AKIRIN1: variants seen among roughly 807,000 people sequenced by gnomAD.
AKIRIN1 encodes the protein akirin-1.
In AKIRIN1, 4 loss-of-function variants were observed where a neutral mutation model predicts 25.9. That is an observed-to-expected ratio of 0.15 (90% CI 0.08 to 0.35). The LOEUF is 0.35. Among genes scored for constraint, AKIRIN1 ranks in the 10% least tolerant of loss-of-function variants. AKIRIN1 has a pLI of 1.00. For missense variants in AKIRIN1, 243 were observed against 266.1 expected (o/e 0.91, Z 0.61); for synonymous variants, 125 against 105.1 (o/e 1.19, Z -1.16).
At chr1:39,002,290 A>G (rs1216682589) in intron 3 of AKIRIN1, among the ~76,000 whole-genome samples, 1 of 152,170 alleles carries the variant, frequency 6.6e-6, no homozygotes, top group Non-Finnish European at 1.5e-5. Flanking sequence ...TTCCTGTAAC[A>G]CTATTGTTTC....
chr1:39,005,358 A>G lies in AKIRIN1; in HGVS notation c.*1303A>G, dbSNP rs1294056215. On this transcript the variant is annotated 3_prime_UTR_variant, in exon 5 of 5. Coordinates refer to ENST00000432648, the MANE Select transcript of AKIRIN1 (RefSeq NM_024595.3). ...TGGATCCTTTGGTCGGGTTCTCCCA[A>G]ATTCTTTTGAGGTGTCCATGGTCAA... The G allele has an allele frequency of 6.6e-6, 1 of 151,364 alleles. No individual in the cohort carries two copies. The highest frequency in any genetic ancestry group is 2.4e-5 in the African/African-American group (1 of 41,262). 9.4% of individuals were successfully genotyped at this position (151,364 alleles called of 1,614,324 possible). A position where few individuals can be genotyped will look rare whatever the true frequency, so the allele number is the denominator to read the frequency against.
chr1:38,997,305 T>C (rs1187225114), intron 1 of AKIRIN1, among the ~76,000 whole-genome samples: 1 of 152,186 alleles, frequency 6.6e-6, no homozygotes, highest in Non-Finnish European at 1.5e-5. Context: ...CTCCCTTTAA[T>C]AGTGTTAGCA....
At position 38,996,762 on chromosome 1, in the gene AKIRIN1, C is replaced by T. The variant is rs575551484; in HGVS notation, c.221-1409C>T. Among the ~76,000 whole-genome samples, 182 of 152,074 alleles carry T rather than the reference C, an allele frequency of 1.2e-3. 1 individual carries two copies. The highest frequency in any genetic ancestry group is 4.1e-3 in the African/African-American group (168 of 41,478). On this transcript the variant is annotated intron_variant, in intron 1 of 4. Coordinates refer to ENST00000432648, the MANE Select transcript of AKIRIN1 (RefSeq NM_024595.3). Reference sequence around the variant, plus strand: ...GCCAAGATAGTCTCGATTTCATGACCTTGTGATCTGCCTGCCTCAGCCTCC... The same window carrying T: ...GCCAAGATAGTCTCGATTTCATGACTTTGTGATCTGCCTGCCTCAGCCTCC...
At position 38,998,194 on chromosome 1, in the gene AKIRIN1, CA is replaced by C. The variant is rs1557642093; in HGVS notation, c.246del (p.Glu83AsnfsTer11). On this transcript the variant is annotated frameshift_variant, in exon 2 of 5. Coordinates refer to ENST00000432648, the MANE Select transcript of AKIRIN1 (RefSeq NM_024595.3). LOFTEE classifies it high-confidence loss of function. ...TPEQIFQNIKQEYSRYQRWRH... is the reference protein window; with the variant it reads ...TPEQIFQNIKXEYSRYQRWRH... ...AGAGCAAATTTTTCAGAACATAAAA[CA>C]AGAATATAGTCGTTATCAGAGGTGG... is the stretch of plus-strand genomic sequence containing the variant. The C allele has an allele frequency of 6.2e-7, 1 of 1,609,818 alleles. No individual in the cohort carries two copies. The highest frequency in any genetic ancestry group is 8.5e-7 in the Non-Finnish European group (1 of 1,178,340).
chr1:39,000,988 G>A lies in AKIRIN1; in HGVS notation c.378G>A (p.Lys126=), dbSNP rs1348388329. 2.5e-6 allele frequency: 4 copies of A among 1,612,462 alleles called. No homozygotes were observed. Among genetic ancestry groups the A allele is most frequent in the Middle Eastern group, 1.7e-4 (1 of 6,046 alleles). The change falls in exon 3 of 5, where the codon AAG becomes AAA. Residue 126 remains lysine, a synonymous_variant. Transcript: ENST00000432648. ...APSSPGSSWM[K]KDQPTFTLRQ... is the part of the protein sequence containing the mutation. ...TTTGGCCAGGTTCCTCATGGATGAA[G>A]AAGGACCAGCCCACATTTACCCTCC...
chr1:38,993,630 T>C (rs1643925402), intron 1 of AKIRIN1, among the ~76,000 whole-genome samples: 1 of 86,334 alleles, frequency 1.2e-5, no homozygotes. Flanking sequence ...AAACTCCATC[T>C]CAAAAAAAAA....
intron 1 of AKIRIN1, among the ~76,000 whole-genome samples, chr1:38,994,683 T>A (rs973658885): frequency 0.22 from 23,791 of 107,560 alleles, 3,294 homozygotes; most frequent in Non-Finnish European, 0.31. Flanking sequence ...TTTTTTTTTT[T>A]TTTTTTTTTT....
At chr1:39,002,105 TG>T (rs2148069704) in intron 3 of AKIRIN1, among the ~76,000 whole-genome samples, 1 of 152,370 alleles carries the variant, frequency 6.6e-6, no homozygotes, top group East Asian at 1.9e-4. Context: ...CAGTACTCTA[TG>T]TCAAGCACAA....
At chr1:38,992,530 C>T (rs1410534456) in intron 1 of AKIRIN1, among the ~76,000 whole-genome samples, 1 of 152,168 alleles carries the variant, frequency 6.6e-6, no homozygotes, top group Non-Finnish European at 1.5e-5. Context: ...ATCCTTTCCA[C>T]CCCTTTTCAG....
At position 39,004,339 on chromosome 1, in the gene AKIRIN1, G is replaced by T. The variant is rs891322540; in HGVS notation, c.*284G>T. On this transcript the variant is annotated 3_prime_UTR_variant, in exon 5 of 5. Transcript: ENST00000432648. ...CAGTTTAGCAAAATATGCCTTCAGT[G>T]GCATTCAACAAATGGAGTTTCCCCA... 76 of 581,932 alleles carry T rather than the reference G, an allele frequency of 1.3e-4. No homozygotes were observed. The African/African-American group carries it at 1.4e-3, about 11-fold the overall frequency. The allele number at this position is 581,932 out of a possible 1,614,324, so 36.0% of individuals were successfully genotyped here.
At chr1:38,995,762 G>T (rs1643942940) in intron 1 of AKIRIN1, among the ~76,000 whole-genome samples, 1 of 152,244 alleles carries the variant, frequency 6.6e-6, no homozygotes, top group Admixed American at 6.5e-5. Context: ...GGGGCTAGCG[G>T]TGGCTCACGC....
chr1:39,003,344 C>T lies in AKIRIN1; in HGVS notation c.497-3C>T. On this transcript the variant is annotated splice_polypyrimidine_tract_variant and splice_region_variant and intron_variant, in intron 3 of 4. Transcript: ENST00000432648. ...AGGATAAGTATGTACTGTCTTCTCA[C>T]AGAACAATATGAATCTTTTGTGAAA... 1.2e-6 allele frequency: 2 copies of T among 1,613,422 alleles called. No homozygotes were observed. Among genetic ancestry groups the T allele is most frequent in the East Asian group, 2.2e-5 (1 of 44,848 alleles).
chr1:38,996,536 A>T (rs1422524896), intron 1 of AKIRIN1, among the ~76,000 whole-genome samples: 5 of 144,758 alleles, frequency 3.5e-5, no homozygotes, highest in East Asian at 2.1e-4. Context: ...TTGTTTTTCT[A>T]TTTTTTTTTT....
At chr1:38,992,100 C>T (rs1465760447) in intron 1 of AKIRIN1, among the ~76,000 whole-genome samples, 1 of 152,208 alleles carries the variant, frequency 6.6e-6, no homozygotes. Context: ...AACCCAGAGG[C>T]CGCCGCAAGA....
chr1:39,002,820 T>C (rs894352222), intron 3 of AKIRIN1, among the ~76,000 whole-genome samples: 1 of 152,222 alleles, frequency 6.6e-6, no homozygotes, highest in African/African-American at 2.4e-5. Context: ...GTCACTTCTT[T>C]GTTCACAGAT....
chr1:38,994,967 G>C (rs1452090101), intron 1 of AKIRIN1, among the ~76,000 whole-genome samples: 3 of 151,646 alleles, frequency 2.0e-5, no homozygotes, highest in African/African-American at 7.3e-5. Flanking sequence ...TGGGATTACA[G>C]GCATGAGCCA....
chr1:39,003,199 G>T, intron 3 of AKIRIN1, 148 bp from the exon 4 acceptor site: 1 of 730,276 alleles, frequency 1.4e-6, no homozygotes, highest in South Asian at 1.6e-5. Flanking sequence ...CTTTATATAA[G>T]GTCACTGGAC....
rs534394061 is a variant in AKIRIN1 at position 39,004,589 on chromosome 1, G to T, written c.*534G>T. On this transcript the variant is annotated 3_prime_UTR_variant, in exon 5 of 5. Transcript: ENST00000432648. ...AACAGTGGATTGTTTTTATGTGTAG[G>T]TATTGTTAAATACAGGGACTGTTTC... 3 of 199,712 alleles carry T rather than the reference G, an allele frequency of 1.5e-5. No homozygotes were observed. The Admixed American group carries it at 1.7e-4, about 11-fold the overall frequency. 12.4% of individuals were successfully genotyped at this position (199,712 alleles called of 1,614,324 possible).
rs11205525 is a variant in AKIRIN1 at position 39,000,954 on chromosome 1, A to G, written c.362-18A>G. 580,187 of 1,601,758 alleles carry G rather than the reference A, an allele frequency of 0.36. 110,880 individuals carry two copies. The highest frequency in any genetic ancestry group is 0.4 in the Non-Finnish European group (465,181 of 1,174,724). On this transcript the variant is annotated intron_variant, in intron 2 of 4. Coordinates refer to ENST00000432648, the MANE Select transcript of AKIRIN1 (RefSeq NM_024595.3). The stretch of plus-strand genomic sequence containing the variant: ...GAACCACCGCACCTGGCCCAAACTC[A>G]CTTTTTCTTTTGGCCAGGTTCCTCA...
Sources: gnomAD v4.1 joint callset for allele counts (sites outside exome capture counted in the v4.1 genomes callset) on GRCh38, gnomAD v4.1.1 for gene constraint, MANE v1.5 for transcripts, NCBI Gene and HGNC (gene_info 2026-07-23, HGNC 2026-07-21) for gene names.